Variants in NAALADL2 observed in about 807,000 individuals in gnomAD.
NAALADL2 encodes the protein inactive N-acetylated-alpha-linked acidic dipeptidase-like protein 2.
A neutral mutation model predicts 87.2 loss-of-function variants in NAALADL2; 76 were observed. The ratio of observed to expected loss-of-function variants is 0.87; its 90% CI spans 0.72 to 1.05. The LOEUF is 1.05. NAALADL2 is among the 50% of genes least tolerant of loss of function. The pLI is 0.00. For synonymous variants in NAALADL2, 354 were observed against 331.0 expected (o/e 1.07, Z -0.75); for missense variants, 1,089 against 945.8 (o/e 1.15, Z -1.99).
At chr3:175,495,809 G>A (rs1394662962) in intron 9 of NAALADL2, among the ~76,000 whole-genome samples, 3 of 151,880 alleles carry the variant, frequency 2.0e-5, no homozygotes, top group Non-Finnish European at 4.4e-5. Context: ...TGTCTAAGGA[G>A]GAAGGTTAAT....
chr3:175,608,841 C>T (rs913946082), intron 10 of NAALADL2, among the ~76,000 whole-genome samples: 8 of 152,066 alleles, frequency 5.3e-5, no homozygotes, highest in African/African-American at 1.9e-4. Flanking sequence ...TACCGTTTTG[C>T]CACTATGCAT....
intron 9 of NAALADL2, among the ~76,000 whole-genome samples, chr3:175,536,987 A>C (rs1180470107): frequency 2.0e-5 from 3 of 152,372 alleles, no homozygotes; most frequent in Middle Eastern, 3.4e-3. Flanking sequence ...GTCTCAAAAA[A>C]AAAATACCTA....
intron 2 of NAALADL2, among the ~76,000 whole-genome samples, chr3:174,649,586 C>G (rs1325843317): frequency 6.6e-6 from 1 of 151,960 alleles, no homozygotes; most frequent in Non-Finnish European, 1.5e-5. Flanking sequence ...TCAGATTAGT[C>G]TCTGGACCCT....
In NAALADL2 at chr3:174,679,057, T is replaced by C. The variant is rs765124309; in HGVS notation, c.-114-58584T>C. 3.0e-4 allele frequency among the ~76,000 whole-genome samples: 46 copies of C among 152,160 alleles called. 2 individuals are homozygous for C. The highest frequency in any genetic ancestry group is 1.2e-4 in the Non-Finnish European group (8 of 68,022). On this transcript the variant is annotated intron_variant, in intron 2 of 3. Transcript: ENST00000434257. Reference sequence around the variant, plus strand: ...TGTTTAATTATGCTGCCAGACTTCATTGAGCTTCCCAAACCTTTGCACTGG... The same window carrying C: ...TGTTTAATTATGCTGCCAGACTTCACTGAGCTTCCCAAACCTTTGCACTGG...
In NAALADL2 at chr3:175,501,838, A is replaced by G. The variant is rs185881830; in HGVS notation, c.1653+30080A>G. 1.2e-4 allele frequency among the ~76,000 whole-genome samples: 19 copies of G among 152,192 alleles called. No individual in the cohort carries two copies. The East Asian group carries it at 3.5e-3, about 28-fold the overall frequency. ...AATTAAGACTCAAGTGTGTAGAGAG[A>G]TGATTGCTGTGAACTGTGAACTTTA... On this transcript the variant is annotated intron_variant, in intron 9 of 13. Transcript: ENST00000454872.
intron 2 of NAALADL2, among the ~76,000 whole-genome samples, chr3:175,122,850 A>G (rs767141042): frequency 2.0e-5 from 3 of 151,932 alleles, no homozygotes; most frequent in Non-Finnish European, 4.4e-5. Context: ...ATGGTTCTCA[A>G]GGCTGAGAAG....
At chr3:175,703,331 A>C (rs1039431944) in intron 11 of NAALADL2, among the ~76,000 whole-genome samples, 2 of 152,200 alleles carry the variant, frequency 1.3e-5, no homozygotes, top group Non-Finnish European at 2.9e-5. Context: ...GGGATTCCCC[A>C]AGGTGCTATA....
intron 2 of NAALADL2, among the ~76,000 whole-genome samples, chr3:175,109,573 A>C (rs1170048705): frequency 6.6e-6 from 1 of 151,750 alleles, no homozygotes; most frequent in Non-Finnish European, 1.5e-5. Flanking sequence ...GAGGGAAAGA[A>C]AGAGGGAAGG....
intron 4 of NAALADL2, among the ~76,000 whole-genome samples, chr3:175,262,529 A>G (rs1751223876): frequency 6.6e-6 from 1 of 151,824 alleles, no homozygotes; most frequent in South Asian, 2.1e-4. Flanking sequence ...CAATGGGCAC[A>G]AAAAAGGAAA....
chr3:175,496,155 A>G (rs78412535), intron 9 of NAALADL2, among the ~76,000 whole-genome samples: 4,900 of 152,172 alleles, frequency 0.032, 279 homozygotes, highest in African/African-American at 0.11. Context: ...ACAAGATACA[A>G]TGTATTTAGA....
chr3:175,174,879 G>A (rs1380491426), intron 2 of NAALADL2, among the ~76,000 whole-genome samples: 1 of 151,434 alleles, frequency 6.6e-6, no homozygotes, highest in African/African-American at 2.4e-5. Flanking sequence ...TCTGTTAATA[G>A]AACTGCAAAC....
chr3:175,378,990 A>G (rs1767475933), intron 5 of NAALADL2, among the ~76,000 whole-genome samples: 1 of 152,050 alleles, frequency 6.6e-6, no homozygotes, highest in South Asian at 2.1e-4. Flanking sequence ...CAAGATTTTT[A>G]TTGGTTGCAT....
chr3:174,634,972 G>A (rs969300216), intron 2 of NAALADL2, among the ~76,000 whole-genome samples: 1 of 152,134 alleles, frequency 6.6e-6, no homozygotes, highest in African/African-American at 2.4e-5. Flanking sequence ...TTAAACAGAT[G>A]TACTGTTTTG....
chr3:175,309,463 G>T (rs1209163779), intron 4 of NAALADL2, among the ~76,000 whole-genome samples: 1 of 152,058 alleles, frequency 6.6e-6, no homozygotes, highest in African/African-American at 2.4e-5. Context: ...TGGGATTACA[G>T]GCATGAGCCA....
intron 3 of NAALADL2, among the ~76,000 whole-genome samples, chr3:174,808,804 G>A (rs939806708): frequency 4.6e-5 from 7 of 151,746 alleles, no homozygotes; most frequent in South Asian, 4.2e-4. Flanking sequence ...TAAAAAAAAT[G>A]TGTGTGTGTG....
chr3:175,370,667 G>T (rs557394959), intron 5 of NAALADL2, among the ~76,000 whole-genome samples: 9 of 152,282 alleles, frequency 5.9e-5, no homozygotes, highest in Admixed American at 5.2e-4. Flanking sequence ...TTCCACATAG[G>T]CAGGATGTGG....
At chr3:175,588,594 A>G (rs1314827997) in intron 10 of NAALADL2, among the ~76,000 whole-genome samples, 1 of 126,394 alleles carries the variant, frequency 7.9e-6, no homozygotes, top group Non-Finnish European at 1.6e-5. Context: ...GCTGGAGTGC[A>G]GTGGCACGAT....
At chr3:174,628,625 C>A (rs1721825216) in intron 2 of NAALADL2, among the ~76,000 whole-genome samples, 1 of 152,030 alleles carries the variant, frequency 6.6e-6, no homozygotes, top group African/African-American at 2.4e-5. Flanking sequence ...TCAAGGTATT[C>A]CCATAGTATG....
At chr3:174,714,514 C>T (rs1273902549) in intron 2 of NAALADL2, among the ~76,000 whole-genome samples, 2 of 152,102 alleles carry the variant, frequency 1.3e-5, no homozygotes, top group Non-Finnish European at 2.9e-5. Context: ...AGAGGTCCTT[C>T]ACATCCCTCA....
Sources: gnomAD v4.1 joint callset for allele counts (sites outside exome capture counted in the v4.1 genomes callset) on GRCh38, gnomAD v4.1.1 for gene constraint, MANE v1.5 for transcripts, NCBI Gene and HGNC (gene_info 2026-07-23, HGNC 2026-07-21) for gene names.